PCBD2: variants seen among roughly 807,000 people sequenced by gnomAD.
The protein encoded by PCBD2 is pterin-4-alpha-carbinolamine dehydratase 2.
PCBD2 carries 12 observed loss-of-function variants against 16.4 expected under a neutral mutation model. That is an observed-to-expected ratio of 0.73 (90% confidence interval 0.47 to 1.19). The LOEUF (loss-of-function observed/expected upper bound fraction) is 1.19. Among genes scored for constraint, PCBD2 ranks in the 50% most tolerant of loss-of-function variants. The pLI, the probability that PCBD2 is intolerant of heterozygous loss-of-function variation, is 0.00. For missense variants in PCBD2, 138 were observed against 156.8 expected (o/e 0.88, Z 0.64); for synonymous variants, 58 against 61.8 (o/e 0.94, Z 0.29).
At chr5:134,924,679 G>T in intron 2 of PCBD2, 1 of 396,584 alleles carries the variant, frequency 2.5e-6, no homozygotes, top group South Asian at 1.3e-4. Context: ...TAGGATGAGT[G>T]GGAAGAAGAA....
intron 2 of PCBD2, among the ~76,000 whole-genome samples, chr5:134,941,610 G>A (rs947657926): frequency 2.6e-5 from 4 of 152,170 alleles, no homozygotes; most frequent in Admixed American, 6.5e-5. Context: ...CGCTGTATGT[G>A]AGACTGTGAA....
chr5:134,928,060 G>A (rs1302388035), intron 2 of PCBD2: 6 of 394,236 alleles, frequency 1.5e-5, no homozygotes, highest in African/African-American at 4.1e-5. Flanking sequence ...GGTTATGTAC[G>A]TAGTCTAGGC....
At chr5:134,931,035 A>G (rs902070597) in intron 2 of PCBD2, among the ~76,000 whole-genome samples, 2 of 151,818 alleles carry the variant, frequency 1.3e-5, no homozygotes, top group Non-Finnish European at 2.9e-5. Flanking sequence ...CTCCCACCTC[A>G]GCCTACCGAG....
chr5:134,957,943 T>C (rs1354229367), intron 2 of PCBD2, among the ~76,000 whole-genome samples: 1 of 152,180 alleles, frequency 6.6e-6, no homozygotes, highest in Non-Finnish European at 1.5e-5. Flanking sequence ...TGATATAGAA[T>C]TGTTTAAAAT....
rs772633741 is a variant in PCBD2, at chr5:134,910,451, C to G, written c.201C>G (p.Phe67Leu). The stretch of plus-strand genomic sequence containing the variant: ...ATGCCATCTACAAAGAATTCTCCTT[C>G]CACAATTTTAATCAGGTAATTGTTA... ...ERDAIYKEFS[F>L]HNFNQAFGFM... Residue 67 changes from phenylalanine to leucine, a missense_variant, in exon 2 of 4, where the codon TTC becomes TTG. By Grantham distance (22) the Phe-to-Leu change is conservative. Coordinates refer to ENST00000254908, the MANE Select transcript of PCBD2 (RefSeq NM_032151.5). 1 of 1,614,012 alleles carries G rather than the reference C, an allele frequency of 6.2e-7. No individual in the cohort carries two copies. The highest frequency in any genetic ancestry group is 1.3e-5 in the African/African-American group (1 of 74,928).
intron 2 of PCBD2, among the ~76,000 whole-genome samples, chr5:134,944,017 A>G (rs2149538154): frequency 6.6e-6 from 1 of 152,352 alleles, no homozygotes; most frequent in African/African-American, 2.4e-5. Context: ...AGCAGAAAGC[A>G]ACATTTGAAA....
At chr5:134,917,169 C>A (rs553339875) in intron 2 of PCBD2, among the ~76,000 whole-genome samples, 1 of 152,338 alleles carries the variant, frequency 6.6e-6, no homozygotes, top group East Asian at 1.9e-4. Context: ...TGGAAGCTTA[C>A]AAAATCCGAG....
chr5:134,940,403 C>T (rs926370795), intron 2 of PCBD2, among the ~76,000 whole-genome samples: 5 of 152,018 alleles, frequency 3.3e-5, no homozygotes, highest in African/African-American at 1.2e-4. Context: ...ACCTTGTGCC[C>T]ACATCCCATA....
chr5:134,937,240 G>A (rs1361459297), intron 2 of PCBD2, among the ~76,000 whole-genome samples: 1 of 151,950 alleles, frequency 6.6e-6, no homozygotes, highest in Non-Finnish European at 1.5e-5. Context: ...AGCAAATTTT[G>A]GCTATTATAA....
At chr5:134,947,166 C>T (rs1189067355) in intron 2 of PCBD2, among the ~76,000 whole-genome samples, 2 of 151,430 alleles carry the variant, frequency 1.3e-5, no homozygotes, top group African/African-American at 4.9e-5. Flanking sequence ...GATAATGGCT[C>T]ATTGCAATCC....
At chr5:134,938,871 A>C (rs1467712863) in intron 2 of PCBD2, among the ~76,000 whole-genome samples, 1 of 152,204 alleles carries the variant, frequency 6.6e-6, no homozygotes, top group Non-Finnish European at 1.5e-5. Flanking sequence ...GGCAAAAGAA[A>C]GGTGTTGTAC....
intron 2 of PCBD2, among the ~76,000 whole-genome samples, chr5:134,954,241 A>G (rs915242861): frequency 1.3e-5 from 2 of 152,186 alleles, no homozygotes; most frequent in Admixed American, 6.5e-5. Context: ...GATTACAGGC[A>G]TGAACCATTG....
intron 2 of PCBD2, chr5:134,924,391 T>A: frequency 2.5e-6 from 1 of 396,782 alleles, no homozygotes; most frequent in Non-Finnish European, 4.4e-6. Context: ...GAGGTCTTGG[T>A]AAGTGTTTTA....
At chr5:134,952,209 C>T (rs1751366853) in intron 2 of PCBD2, among the ~76,000 whole-genome samples, 1 of 150,124 alleles carries the variant, frequency 6.7e-6, no homozygotes, top group Non-Finnish European at 1.5e-5. Context: ...TAGCATTTCC[C>T]TATAAAGAAT....
At chr5:134,937,118 A>T (rs941171554) in intron 2 of PCBD2, among the ~76,000 whole-genome samples, 2 of 152,168 alleles carry the variant, frequency 1.3e-5, no homozygotes, top group African/African-American at 4.8e-5. Context: ...CTTTATTTTT[A>T]TTTAGAATTT....
chr5:134,910,413 TTAAG>T lies in PCBD2; in HGVS notation c.165_168del (p.Ser56ArgfsTer31), dbSNP rs1422507881. 6.2e-7 allele frequency: 1 copy of T among 1,614,100 alleles called. No homozygotes were observed. Among genetic ancestry groups the T allele is most frequent in the East Asian group, 2.2e-5 (1 of 44,874 alleles). On this transcript the variant is annotated frameshift_variant, in exon 2 of 4. Transcript: ENST00000254908. LOFTEE classifies it high-confidence loss of function. ...CCTTAAAGCAGCAGGATGGTCGGAA[TTAAG>T]TGAGAGAGATGCCATCTACAAAGAA...
chr5:134,953,864 C>T (rs1751385987), intron 2 of PCBD2, among the ~76,000 whole-genome samples: 2 of 152,080 alleles, frequency 1.3e-5, no homozygotes, highest in South Asian at 4.1e-4. Context: ...TATGGTCCCC[C>T]CTCAAAGCAA....
At chr5:134,908,267 G>A (rs1435763635) in intron 1 of PCBD2, among the ~76,000 whole-genome samples, 1 of 137,660 alleles carries the variant, frequency 7.3e-6, no homozygotes, top group Non-Finnish European at 1.5e-5. Context: ...GTTTCACTCT[G>A]TTGCCCAGGC....
At chr5:134,924,004 G>A (rs116138352) in intron 2 of PCBD2, 64 of 394,628 alleles carry the variant, frequency 1.6e-4, no homozygotes, top group East Asian at 1.5e-3. Context: ...ATAAATGAGC[G>A]GTTAATTAAT....
Sources: allele counts gnomAD v4.1 joint callset (sites outside exome capture counted in the v4.1 genomes callset), GRCh38; gene constraint gnomAD v4.1.1; transcripts MANE v1.5; gene names NCBI Gene and HGNC (gene_info 2026-07-23, HGNC 2026-07-21).